The following BACH2 variants were observed in gnomAD, a reference collection of about 807,000 sequenced individuals.
BACH2 encodes transcription regulator protein BACH2.
Under a neutral mutation model 61.8 loss-of-function variants are expected in BACH2, and 5 were observed. The ratio of observed to expected loss-of-function variants is 0.08; its 90% CI spans 0.04 to 0.17. The LOEUF (loss-of-function observed/expected upper bound fraction) is 0.17, where lower values mean the gene tolerates loss of function less well. Among genes scored for constraint, BACH2 ranks in the 10% least tolerant of loss-of-function variants. The probability of loss-of-function intolerance (pLI) is 1.00; values close to 1 mark genes in which losing one functional copy is unlikely to be tolerated. For missense variants in BACH2, 824 were observed against 1,091.1 expected (o/e 0.76, Z 3.45); for synonymous variants, 446 against 440.1 (o/e 1.01, Z -0.17).
At position 89,950,052 on chromosome 6, in the gene BACH2, A is replaced by C; in HGVS notation, c.1836+218T>G. On this transcript the variant is annotated intron_variant, in intron 7 of 8. Coordinates refer to ENST00000257749, the MANE Select transcript of BACH2 (RefSeq NM_021813.4). The surrounding 1 kb of genome is among the most constrained non-coding windows in gnomAD (Gnocchi z 5.3). ...GCTTGCCTCTGCTTGTCGAGTATTG[A>C]GATCCAGATCAAATATCAAGTGCTT... The C allele has an allele frequency of 1.6e-6, 1 of 608,184 alleles. No homozygotes were observed. Among genetic ancestry groups the C allele is most frequent in the Non-Finnish European group, 2.9e-6 (1 of 342,522 alleles). The allele number at this position is 608,184 out of a possible 1,614,324, so 37.7% of individuals were successfully genotyped here. A position where few individuals can be genotyped will look rare whatever the true frequency, so the allele number is the denominator to read the frequency against.
At chr6:90,216,482 C>A (rs1007475328) in intron 3 of BACH2, among the ~76,000 whole-genome samples, 39 of 152,278 alleles carry the variant, frequency 2.6e-4, no homozygotes, top group African/African-American at 9.4e-4. Context: ...GGGTCATTTC[C>A]TCTTAAACAG....
At chr6:90,020,501 T>C (rs1033426778) in intron 5 of BACH2, among the ~76,000 whole-genome samples, 4 of 152,066 alleles carry the variant, frequency 2.6e-5, no homozygotes, top group African/African-American at 9.7e-5. Flanking sequence ...ACCTTGGGAT[T>C]CTGCAGACAG....
chr6:90,283,670 C>T (rs1392579747), intron 1 of BACH2, among the ~76,000 whole-genome samples: 2 of 152,164 alleles, frequency 1.3e-5, no homozygotes, highest in Non-Finnish European at 2.9e-5. Context: ...CCACCACACC[C>T]GGCCTCCTCA....
chr6:90,260,051 G>A (rs1296855348), intron 2 of BACH2, among the ~76,000 whole-genome samples: 2 of 150,626 alleles, frequency 1.3e-5, no homozygotes, highest in African/African-American at 4.9e-5. Flanking sequence ...TATCCATTTA[G>A]TTTATGTTTG....
intron 4 of BACH2, among the ~76,000 whole-genome samples, chr6:90,099,611 G>T (rs1782529838): frequency 6.6e-6 from 1 of 152,150 alleles, no homozygotes; most frequent in Admixed American, 6.5e-5. Context: ...CTGAAACACA[G>T]AAGGTATCTA....
intron 2 of BACH2, among the ~76,000 whole-genome samples, chr6:90,253,244 C>G (rs78802262): frequency 7.0e-6 from 1 of 142,204 alleles, no homozygotes; most frequent in Admixed American, 7.0e-5. Context: ...AATCTTGCCT[C>G]AAAAAAAAAA....
intron 4 of BACH2, among the ~76,000 whole-genome samples, chr6:90,182,608 T>C (rs1466231681): frequency 2.0e-5 from 3 of 152,236 alleles, no homozygotes; most frequent in Admixed American, 6.5e-5. Context: ...TGGCACATTA[T>C]AGCCTTCAAT....
intron 5 of BACH2, among the ~76,000 whole-genome samples, chr6:90,066,342 C>A (rs1305127053): frequency 6.6e-6 from 1 of 152,100 alleles, no homozygotes; most frequent in Non-Finnish European, 1.5e-5. Flanking sequence ...CTATAGCTGG[C>A]CATGTGACTC....
Position 89,936,733 on chromosome 6 carries a change from CA to C in BACH2, c.2043+1410del, listed in dbSNP as rs542990127. Among the ~76,000 whole-genome samples, 63 of 151,712 alleles carry C rather than the reference CA, an allele frequency of 4.2e-4. No homozygotes were observed. The South Asian group carries it at 0.013, about 30-fold the overall frequency. ...CACAAAACAACAACAACAACAATAA[CA>C]AAAAACCCTGACGTCCAGGGCTATC... On this transcript the variant is annotated intron_variant, in intron 8 of 8. Transcript: ENST00000257749.
rs1431370234 is a variant in BACH2, at chr6:90,175,778, A to G, written c.-162+30791T>C. Reference sequence around the variant, plus strand: ...TTTCAAGGCTAGCCGATTCTCAGAGATAACAAAGAGCCCGGCTGGTAGCAT... The same window carrying G: ...TTTCAAGGCTAGCCGATTCTCAGAGGTAACAAAGAGCCCGGCTGGTAGCAT... On this transcript the variant is annotated intron_variant, in intron 4 of 8. Coordinates refer to ENST00000257749, the MANE Select transcript of BACH2 (RefSeq NM_021813.4). 3.9e-5 allele frequency among the ~76,000 whole-genome samples: 6 copies of G among 152,144 alleles called. No individual in the cohort carries two copies. In the East Asian group the frequency reaches 9.6e-4, roughly 24 times the overall value.
chr6:89,995,478 A>T (rs1776794399), intron 6 of BACH2, among the ~76,000 whole-genome samples: 1 of 152,106 alleles, frequency 6.6e-6, no homozygotes, highest in Admixed American at 6.5e-5. Context: ...CCTGGCTGAC[A>T]CTCCAGGCTC....
At chr6:90,294,491 T>G (rs1772276059) in intron 1 of BACH2, among the ~76,000 whole-genome samples, 1 of 152,066 alleles carries the variant, frequency 6.6e-6, no homozygotes, top group African/African-American at 2.4e-5. Context: ...CCACTCAAAG[T>G]TTTGTGGTGA....
chr6:89,938,233 G>T lies in BACH2; in HGVS notation c.1954C>A (p.Arg652=), dbSNP rs1773148060. 1 of 1,614,224 alleles carries T rather than the reference G, an allele frequency of 6.2e-7. No homozygotes were observed. Among genetic ancestry groups the T allele is most frequent in the Admixed American group, 1.7e-5 (1 of 60,036 alleles). The part of the protein sequence containing the change: ...EQLEFIHDVR[R]RSKNRIAAQR... ...GCCGCGATGCGGTTCTTGCTGCGCC[G>T]TCGGACATCATGAATAAACTCTAAC... The change falls in exon 8 of 9, where the codon CGG becomes AGG. Residue 652 remains arginine (R), a synonymous_variant. Coordinates refer to ENST00000257749, the MANE Select transcript of BACH2 (RefSeq NM_021813.4).
intron 4 of BACH2, among the ~76,000 whole-genome samples, chr6:90,091,767 G>C (rs1198570776): frequency 6.6e-6 from 1 of 152,050 alleles, no homozygotes; most frequent in African/African-American, 2.4e-5. Context: ...CCTATTTTGG[G>C]AGTGATTTAA....
intron 4 of BACH2, among the ~76,000 whole-genome samples, chr6:90,164,699 A>G (rs1167740095): frequency 2.0e-5 from 3 of 152,176 alleles, no homozygotes; most frequent in Non-Finnish European, 4.4e-5. Context: ...GCAGCACATC[A>G]AAAAGCTTAT....
intron 6 of BACH2, among the ~76,000 whole-genome samples, chr6:89,976,399 G>C (rs550396616): frequency 6.6e-6 from 1 of 152,350 alleles, no homozygotes; most frequent in African/African-American, 2.4e-5. Flanking sequence ...GCAAGCTGCT[G>C]CTCTCATTAC....
intron 3 of BACH2, among the ~76,000 whole-genome samples, chr6:90,215,655 C>T (rs149641433): frequency 6.4e-4 from 98 of 152,182 alleles, no homozygotes; most frequent in African/African-American, 2.2e-3. Context: ...AATTGGGTTC[C>T]CTAAATGCAA....
intron 1 of BACH2, among the ~76,000 whole-genome samples, chr6:90,281,249 C>G (rs1011447906): frequency 6.6e-6 from 1 of 152,122 alleles, no homozygotes; most frequent in Non-Finnish European, 1.5e-5. Flanking sequence ...AGCAAGTGTT[C>G]CCATGTGCAC....
intron 3 of BACH2, chr6:90,217,997 C>T (rs1487547291): frequency 2.0e-5 from 3 of 152,118 alleles, no homozygotes; most frequent in Admixed American, 2.0e-4. Flanking sequence ...TGGTACACCT[C>T]GCAGCAATCC....
Sources: allele counts gnomAD v4.1 joint callset (sites outside exome capture counted in the v4.1 genomes callset), GRCh38; gene constraint gnomAD v4.1.1; non-coding constraint Gnocchi (gnomAD v3.1); transcripts MANE v1.5; gene names NCBI Gene and HGNC (gene_info 2026-07-23, HGNC 2026-07-21).